Variants in VTI1A observed in about 807,000 individuals in gnomAD.
VTI1A encodes the protein vesicle transport through interaction with t-SNAREs 1A.
A neutral mutation model predicts 34.9 loss-of-function variants in VTI1A; 22 were observed. The observed-to-expected ratio is 0.63, with a 90% confidence interval of 0.45 to 0.90. The LOEUF (loss-of-function observed/expected upper bound fraction) is 0.90. Among genes scored for constraint, VTI1A ranks in the 40% least tolerant of loss-of-function variants. The pLI is 0.00. For synonymous variants in VTI1A, 87 were observed against 97.3 expected, an observed-to-expected ratio of 0.89 and a Z score of 0.62; for missense variants, 268 against 275.6, an observed-to-expected ratio of 0.97 and a Z score of 0.20.
chr10:112,551,177 G>A (rs1186439150), intron 5 of VTI1A, among the ~76,000 whole-genome samples: 1 of 148,850 alleles, frequency 6.7e-6, no homozygotes, highest in African/African-American at 2.5e-5. Context: ...CCGGCGAGCG[G>A]AGCTTGCCGT....
chr10:112,772,469 A>G (rs2134023722), intron 7 of VTI1A, among the ~76,000 whole-genome samples: 1 of 152,340 alleles, frequency 6.6e-6, no homozygotes, highest in Non-Finnish European at 1.5e-5. Context: ...ACGATCTGCA[A>G]ACATGTTCTC....
At chr10:112,803,227 C>G (rs1432343543) in intron 7 of VTI1A, among the ~76,000 whole-genome samples, 4 of 152,120 alleles carry the variant, frequency 2.6e-5, no homozygotes, top group Non-Finnish European at 5.9e-5. Flanking sequence ...TGCCACCATG[C>G]CCGGCTAATT....
the VTI1A span, among the ~76,000 whole-genome samples, chr10:112,852,954 T>A: frequency 8.5e-5 from 13 of 152,180 alleles, no homozygotes; most frequent in South Asian, 2.1e-4. Flanking sequence ...AATTTTTTTT[T>A]AATTGTATTT....
At chr10:112,617,522 C>G (rs1845551292) in intron 5 of VTI1A, among the ~76,000 whole-genome samples, 2 of 151,936 alleles carry the variant, frequency 1.3e-5, no homozygotes, top group South Asian at 2.1e-4. Flanking sequence ...ATAACAATAT[C>G]TAATTTGGAA....
intron 7 of VTI1A, among the ~76,000 whole-genome samples, chr10:112,700,135 ACAAAAC>A (rs372453534): frequency 1.4e-4 from 19 of 138,506 alleles, no homozygotes; most frequent in Middle Eastern, 3.5e-3. Context: ...AAAAAAAAAA[ACAAAAC>A]AAAAAAAAAA....
the VTI1A span, among the ~76,000 whole-genome samples, chr10:112,841,489 G>C: frequency 3.3e-5 from 5 of 152,212 alleles, no homozygotes; most frequent in African/African-American, 1.2e-4. Flanking sequence ...CCTTGATTGA[G>C]AGAAGAGGGG....
At chr10:112,661,742 T>C (rs948947062) in intron 5 of VTI1A, among the ~76,000 whole-genome samples, 1 of 151,354 alleles carries the variant, frequency 6.6e-6, no homozygotes, top group Admixed American at 6.6e-5. Flanking sequence ...CTCCTGAATG[T>C]ATCTTTTTTT....
At chr10:112,771,086 C>T (rs976295851) in intron 7 of VTI1A, among the ~76,000 whole-genome samples, 1 of 152,138 alleles carries the variant, frequency 6.6e-6, no homozygotes, top group African/African-American at 2.4e-5. Flanking sequence ...CACGGGCGCC[C>T]TTTCTAGTGT....
intron 1 of VTI1A, among the ~76,000 whole-genome samples, chr10:112,447,906 G>A (rs1006894293): frequency 5.9e-5 from 9 of 152,080 alleles, no homozygotes; most frequent in African/African-American, 2.2e-4. Flanking sequence ...TAAGAATCAG[G>A]GTGCCTAGAT....
chr10:112,721,879 C>T (rs1024968926), intron 7 of VTI1A, among the ~76,000 whole-genome samples: 5 of 152,152 alleles, frequency 3.3e-5, no homozygotes, highest in Non-Finnish European at 7.4e-5. Context: ...CAAACTAGGG[C>T]TGACTGACCA....
At chr10:112,546,044 A>G (rs1422963577) in intron 5 of VTI1A, among the ~76,000 whole-genome samples, 1 of 150,352 alleles carries the variant, frequency 6.7e-6, no homozygotes, top group South Asian at 2.1e-4. Flanking sequence ...ATGTGTGTGT[A>G]TATACGTGTA....
chr10:112,668,401 A>G, intron 6 of VTI1A, 113 bp downstream of exon 6: 1 of 1,129,018 alleles, frequency 8.9e-7, no homozygotes, highest in East Asian at 2.6e-5. Flanking sequence ...AAGGTGAAAG[A>G]GGGTATAAGG....
chr10:112,740,721 G>A (rs566214284), intron 7 of VTI1A, among the ~76,000 whole-genome samples: 1 of 152,356 alleles, frequency 6.6e-6, no homozygotes, highest in East Asian at 1.9e-4. Flanking sequence ...TGCTGCTGGT[G>A]AGAATGTAAA....
chr10:112,581,184 T>C (rs934120288), intron 5 of VTI1A, among the ~76,000 whole-genome samples: 1 of 152,184 alleles, frequency 6.6e-6, no homozygotes, highest in Non-Finnish European at 1.5e-5. Context: ...ATGAATTCAC[T>C]TGGTTCTCTT....
intron 7 of VTI1A, among the ~76,000 whole-genome samples, chr10:112,727,112 A>G (rs1850058906): frequency 6.6e-6 from 1 of 152,350 alleles, no homozygotes; most frequent in East Asian, 1.9e-4. Context: ...AGTTGCACGC[A>G]GTGGGAGCTG....
chr10:112,847,961 T>C, the VTI1A span, among the ~76,000 whole-genome samples: 1 of 152,134 alleles, frequency 6.6e-6, no homozygotes, highest in Non-Finnish European at 1.5e-5. Context: ...ACACACCAGA[T>C]AGAGCGGAAG....
chr10:112,608,626 T>C (rs1440938977), intron 5 of VTI1A, among the ~76,000 whole-genome samples: 1 of 152,164 alleles, frequency 6.6e-6, no homozygotes, highest in African/African-American at 2.4e-5. Context: ...GTCATTTTTA[T>C]ATTCGGAAAG....
chr10:112,466,939 C>T (rs1423255186), intron 3 of VTI1A, among the ~76,000 whole-genome samples: 1 of 152,128 alleles, frequency 6.6e-6, no homozygotes, highest in Non-Finnish European at 1.5e-5. Flanking sequence ...TCCCTCTTCA[C>T]GTTTCCATGT....
intron 7 of VTI1A, among the ~76,000 whole-genome samples, chr10:112,784,165 A>T (rs1852216306): frequency 6.6e-6 from 1 of 152,208 alleles, no homozygotes; most frequent in Non-Finnish European, 1.5e-5. Flanking sequence ...CTTGTACTTT[A>T]TAACGTTCAA....
Sources: allele counts gnomAD v4.1 joint callset (sites outside exome capture counted in the v4.1 genomes callset), GRCh38; gene constraint gnomAD v4.1.1; transcripts MANE v1.5; gene names NCBI Gene and HGNC (gene_info 2026-07-23, HGNC 2026-07-21).